Variants in HIF1AN observed in about 807,000 individuals in gnomAD.
The protein encoded by HIF1AN is hypoxia inducible factor 1 subunit alpha inhibitor, also known as hypoxia-inducible factor 1-alpha inhibitor.
A neutral mutation model predicts 47.7 loss-of-function variants in HIF1AN; 21 were observed. That is an observed-to-expected ratio of 0.44 (90% CI 0.31 to 0.63). The LOEUF is 0.63. Ranked by LOEUF, HIF1AN falls within the 30% of genes least tolerant of loss-of-function variation. HIF1AN has a pLI of 0.07. For synonymous variants in HIF1AN, 152 were observed against 155.9 expected, an observed-to-expected ratio of 0.98 and a Z score of 0.18; for missense variants, 320 against 432.7, an observed-to-expected ratio of 0.74 and a Z score of 2.31.
In HIF1AN at chr10:100,552,640, C is replaced by T. The variant is rs1843175262; in HGVS notation, c.*4503C>T. On this transcript the variant is annotated 3_prime_UTR_variant, in exon 8 of 8. Transcript: ENST00000299163. ...TCAGCTGTCTCCTGCCTAGTCTCTC[C>T]AGCGGCCTCCTTACCAAGACCCTTT... is the stretch of plus-strand genomic sequence containing the variant. 6.6e-6 allele frequency: 1 copy of T among 152,492 alleles called. No homozygotes were observed. Among genetic ancestry groups the T allele is most frequent in the African/African-American group, 2.4e-5 (1 of 41,470 alleles). The allele number at this position is 152,492 out of a possible 1,614,324, so 9.4% of individuals were successfully genotyped here.
rs544574944 is a variant in HIF1AN at position 100,551,044 on chromosome 10, G to A, written c.*2907G>A. 2.6e-5 allele frequency: 4 copies of A among 152,330 alleles called. No individual in the cohort carries two copies. The highest frequency in any genetic ancestry group is 2.1e-4 in the South Asian group (1 of 4,834). 9.4% of individuals were successfully genotyped at this position (152,330 alleles called of 1,614,324 possible). A position where few individuals can be genotyped will look rare whatever the true frequency, so the allele number is the denominator to read the frequency against. On this transcript the variant is annotated 3_prime_UTR_variant, in exon 8 of 8. Transcript: ENST00000299163. ...TTGGGCCTGTATAGAGGTCAGCTAC[G>A]CTGCAGGCTCATCTATTCACACCAG...
chr10:100,554,927 A>T lies in HIF1AN; in HGVS notation c.*6790A>T, dbSNP rs1843201790. ...ACCATTTGTTGAACACTTCTGTTCC[A>T]GGCACTGTATTAGTTCGTCCCCATG... On this transcript the variant is annotated 3_prime_UTR_variant, in exon 8 of 8. Coordinates refer to ENST00000299163, the MANE Select transcript of HIF1AN (RefSeq NM_017902.3). The T allele has an allele frequency of 6.6e-6, 1 of 152,244 alleles. No individual in the cohort carries two copies. The highest frequency in any genetic ancestry group is 2.4e-5 in the African/African-American group (1 of 41,450). 9.4% of individuals were successfully genotyped at this position (152,244 alleles called of 1,614,324 possible). A position where few individuals can be genotyped will look rare whatever the true frequency, so the allele number is the denominator to read the frequency against.
chr10:100,546,228 C>T (rs1401892364), intron 5 of HIF1AN, among the ~76,000 whole-genome samples, 179 bp downstream of exon 5: 2 of 152,060 alleles, frequency 1.3e-5, no homozygotes, highest in Non-Finnish European at 2.9e-5. Context: ...GAATGATAGC[C>T]CTGTCTCTAG....
At position 100,547,116 on chromosome 10, in the gene HIF1AN, C is replaced by T. The variant is rs1843101796; in HGVS notation, c.895-24C>T. The T allele has an allele frequency of 8.4e-6, 13 of 1,548,518 alleles. No homozygotes were observed. The East Asian group carries it at 2.9e-4, about 35-fold the overall frequency. ...CTGACGCCTGCTGCTAAAGGCATTT[C>T]CTGAGCTACTGCTTCCTTTGTAGGG... On this transcript the variant is annotated intron_variant, in intron 6 of 7. Transcript: ENST00000299163.
At chr10:100,537,676 A>G (rs1199643870) in intron 2 of HIF1AN, among the ~76,000 whole-genome samples, 1 of 152,158 alleles carries the variant, frequency 6.6e-6, no homozygotes, top group Non-Finnish European at 1.5e-5. Context: ...CCTCTGGGGA[A>G]TTGCTTTCGC....
chr10:100,537,523 T>G (rs1352291447), intron 2 of HIF1AN, among the ~76,000 whole-genome samples: 2 of 152,206 alleles, frequency 1.3e-5, no homozygotes, highest in Non-Finnish European at 1.5e-5. Flanking sequence ...TTAGGGAAGA[T>G]CAGATTAAAT....
chr10:100,547,081 T>G (rs569718246), intron 6 of HIF1AN, 59 bp from the exon 7 acceptor site: 1 of 1,216,054 alleles, frequency 8.2e-7, no homozygotes, highest in East Asian at 2.4e-5. Context: ...CTAAGAACAG[T>G]AGAGTGACAC....
rs1449660134 is a variant in HIF1AN, at chr10:100,557,450, T to C, written c.*9313T>C. ...AGTGGGGGTTTCGGGAGATTTTGTT[T>C]GTTTGTTTTTTTGAGATGGAGTTTT... On this transcript the variant is annotated 3_prime_UTR_variant, in exon 8 of 8. Coordinates refer to ENST00000299163, the MANE Select transcript of HIF1AN (RefSeq NM_017902.3). 6.6e-6 allele frequency: 1 copy of C among 152,296 alleles called. No individual in the cohort carries two copies. The highest frequency in any genetic ancestry group is 1.5e-5 in the Non-Finnish European group (1 of 68,198). 9.4% of individuals were successfully genotyped at this position (152,296 alleles called of 1,614,324 possible).
In HIF1AN at chr10:100,542,520, A is replaced by AT. The variant is rs548605141; in HGVS notation, c.577+1746dup. On this transcript the variant is annotated intron_variant, in intron 3 of 7. Coordinates refer to ENST00000299163, the MANE Select transcript of HIF1AN (RefSeq NM_017902.3). ...GGGCGCCCGCCACCACACCTGGCTAATTTTTTTTGTACTTTTAGTAGAGAT... is the reference window on the plus strand; with the variant it reads ...GGGCGCCCGCCACCACACCTGGCTAATTTTTTTTTGTACTTTTAGTAGAGAT... 2.4e-3 allele frequency among the ~76,000 whole-genome samples: 363 copies of AT among 151,630 alleles called. 4 individuals are homozygous for AT. The highest frequency in any genetic ancestry group is 8.5e-3 in the African/African-American group (353 of 41,328).
At chr10:100,542,606 C>T (rs1022590800) in intron 3 of HIF1AN, among the ~76,000 whole-genome samples, 4 of 152,054 alleles carry the variant, frequency 2.6e-5, no homozygotes, top group Admixed American at 6.6e-5. Flanking sequence ...CCACCTGCCC[C>T]GGCCTCCCAA....
chr10:100,545,182 A>T lies in HIF1AN; in HGVS notation c.723+86A>T, dbSNP rs1589753034. On this transcript the variant is annotated intron_variant, in intron 4 of 7. Coordinates refer to ENST00000299163, the MANE Select transcript of HIF1AN (RefSeq NM_017902.3). ...AATGTCTTTCCCCTTCCCCGTAGTG[A>T]TATGCCAGGTTCGGATTACAGGCTG... The T allele has an allele frequency of 3.1e-5, 44 of 1,427,130 alleles. No individual in the cohort carries two copies. The East Asian group carries it at 1.0e-3, about 32-fold the overall frequency. The allele number at this position is 1,427,130 out of a possible 1,614,324, so 88.4% of individuals were successfully genotyped here.
chr10:100,547,061 G>C, intron 6 of HIF1AN, 79 bp from the exon 7 acceptor site: 1 of 1,025,176 alleles, frequency 9.8e-7, no homozygotes, highest in Non-Finnish European at 1.5e-6. Flanking sequence ...TCTTAGAAGG[G>C]AGGATGGTAC....
rs916159538 is a variant in HIF1AN at position 100,552,686 on chromosome 10, C to G, written c.*4549C>G. The G allele has an allele frequency of 6.6e-6, 1 of 152,412 alleles. No individual in the cohort carries two copies. Among genetic ancestry groups the G allele is most frequent in the African/African-American group, 2.4e-5 (1 of 41,440 alleles). 9.4% of individuals were successfully genotyped at this position (152,412 alleles called of 1,614,324 possible). A position where few individuals can be genotyped will look rare whatever the true frequency, so the allele number is the denominator to read the frequency against. On this transcript the variant is annotated 3_prime_UTR_variant, in exon 8 of 8. Transcript: ENST00000299163. ...CCTTTTTCCTAAACAGTTGTCCTTC[C>G]CTCAGAAACTCCATGGCTGCAAGTG...
intron 2 of HIF1AN, among the ~76,000 whole-genome samples, chr10:100,539,083 G>A (rs930947091): frequency 5.3e-5 from 8 of 151,784 alleles, no homozygotes; most frequent in African/African-American, 1.9e-4. Flanking sequence ...AGCTAATTTT[G>A]TGTATTTTTA....
rs779547069 is a variant in HIF1AN, at chr10:100,546,569, C to T, written c.882C>T (p.Asn294=). The T allele has an allele frequency of 1.9e-6, 3 of 1,612,824 alleles. No homozygotes were observed. The highest frequency in any genetic ancestry group is 1.1e-5 in the South Asian group (1 of 91,056). The change falls in exon 6 of 8, where the codon AAC becomes AAT. Residue 294 remains asparagine (N), a synonymous_variant. Transcript: ENST00000299163. ...LLNGGITITV[N]FWYKGAPTPK... ...ATGGGGGGATTACCATCACTGTGAACTTCTGGTATAAGGTGAATATGGTTT... is the reference window on the plus strand; with the variant it reads ...ATGGGGGGATTACCATCACTGTGAATTTCTGGTATAAGGTGAATATGGTTT...
chr10:100,540,495 G>C, intron 2 of HIF1AN, 139 bp from the exon 3 acceptor site: 1 of 813,506 alleles, frequency 1.2e-6, no homozygotes, highest in Non-Finnish European at 2.0e-6. Flanking sequence ...AATCCATGTT[G>C]GCTAAAATTT....
chr10:100,546,643 A>G, intron 6 of HIF1AN, 62 bp downstream of exon 6: 3 of 1,256,424 alleles, frequency 2.4e-6, no homozygotes, highest in South Asian at 1.2e-5. Flanking sequence ...TGAGGTAGGT[A>G]TAATAAATGA....
chr10:100,556,463 A>AT lies in HIF1AN; in HGVS notation c.*8328dup, dbSNP rs1843215574. ...TGTGCACAAGGATGCAGGAGACGAG[A>AT]TTGTCACAGAGGCTGTCATGCTAGT... On this transcript the variant is annotated 3_prime_UTR_variant, in exon 8 of 8. Transcript: ENST00000299163. 6.6e-6 allele frequency: 1 copy of AT among 152,264 alleles called. No individual in the cohort carries two copies. The highest frequency in any genetic ancestry group is 2.4e-5 in the African/African-American group (1 of 41,438). 9.4% of individuals were successfully genotyped at this position (152,264 alleles called of 1,614,324 possible).
chr10:100,542,846 G>GTTTTTTTTTTT (rs397730143), intron 3 of HIF1AN, among the ~76,000 whole-genome samples: 3 of 111,762 alleles, frequency 2.7e-5, no homozygotes, highest in African/African-American at 3.4e-5. Flanking sequence ...ATGTGAATGT[G>GTTTTTTTTTTT]TTTTTTTTTT....
Sources: gnomAD v4.1 joint callset for allele counts (sites outside exome capture counted in the v4.1 genomes callset) on GRCh38, gnomAD v4.1.1 for gene constraint, MANE v1.5 for transcripts, NCBI Gene and HGNC (gene_info 2026-07-23, HGNC 2026-07-21) for gene names.